Variants in TACC2 observed in about 807,000 individuals in gnomAD.
TACC2 encodes the protein transforming acidic coiled-coil containing protein 2, also known as transforming acidic coiled-coil-containing protein 2.
Under a neutral mutation model 227.3 loss-of-function variants are expected in TACC2, and 137 were observed. The observed-to-expected ratio is 0.60, with a 90% CI of 0.52 to 0.69. The LOEUF (loss-of-function observed/expected upper bound fraction) is 0.69. Ranked by LOEUF, TACC2 falls within the 30% of genes least tolerant of loss-of-function variation. The probability of loss-of-function intolerance (pLI) is 0.00; values close to 1 mark genes in which losing one functional copy is unlikely to be tolerated. For synonymous variants in TACC2, 1,523 were observed against 1,487.5 expected (o/e 1.02, Z -0.55); for missense variants, 3,470 against 3,694.4 (o/e 0.94, Z 1.57).
rs1418838752 is a variant in TACC2, at chr10:122,180,014, G to A, written c.5835-15026G>A. ...TTCAGAGGATCGCTTGAGCCCAAGA[G>A]GTCGAGGCTGCAGTGAGCCATGATT... is the stretch of plus-strand genomic sequence containing the variant. On this transcript the variant is annotated intron_variant, in intron 7 of 22. Coordinates refer to ENST00000369005, the MANE Select transcript of TACC2 (RefSeq NM_206862.4). The surrounding 1 kb of genome is among the most constrained non-coding windows in gnomAD (Gnocchi z 4.5). Among the ~76,000 whole-genome samples the A allele has an allele frequency of 1.3e-5, 2 of 152,088 alleles. No individual in the cohort carries two copies. Among genetic ancestry groups the A allele is most frequent in the African/African-American group, 4.8e-5 (2 of 41,434 alleles).
At chr10:122,129,645 C>G (rs990908171) in intron 5 of TACC2, among the ~76,000 whole-genome samples, 1 of 152,166 alleles carries the variant, frequency 6.6e-6, no homozygotes, top group Non-Finnish European at 1.5e-5. Flanking sequence ...TTGGAAAGTG[C>G]CCCTGTAGTT....
chr10:122,068,247 A>G (rs1000101396), intron 3 of TACC2, among the ~76,000 whole-genome samples: 3 of 152,146 alleles, frequency 2.0e-5, no homozygotes, highest in Non-Finnish European at 2.9e-5. Flanking sequence ...CATATGGAAT[A>G]CAGTTATAAT....
intron 8 of TACC2, among the ~76,000 whole-genome samples, chr10:122,204,196 AG>A (rs1388598628): frequency 3.7e-5 from 1 of 27,152 alleles, no homozygotes; most frequent in Non-Finnish European, 8.6e-5. Context: ...GGGGAGGGGG[AG>A]GGGGAGGGGT....
rs542065957 is a variant in TACC2, at chr10:122,083,337, A to G, written c.837A>G (p.Gln279=). 16 of 1,614,036 alleles carry G rather than the reference A, an allele frequency of 9.9e-6. No individual in the cohort carries two copies. The Admixed American group carries it at 2.2e-4, about 22-fold the overall frequency. The change falls in exon 4 of 23, where the codon CAA becomes CAG. Residue 279 remains glutamine (Q), a synonymous_variant. Transcript: ENST00000369005. ...SPLKPMAPIP[Q]DPAPRASDRE... ...TAAAACCCATGGCCCCGATCCCACA[A>G]GATCCAGCCCCAAGAGCCTCAGACA...
intron 5 of TACC2, among the ~76,000 whole-genome samples, chr10:122,120,587 C>T (rs2085552654): frequency 6.6e-6 from 1 of 152,140 alleles, no homozygotes; most frequent in African/African-American, 2.4e-5. Context: ...GGGTCCTTCG[C>T]TGAGAGAGTC....
chr10:122,049,602 C>T (rs1029981510), intron 2 of TACC2, among the ~76,000 whole-genome samples: 2 of 152,052 alleles, frequency 1.3e-5, no homozygotes, highest in Non-Finnish European at 2.9e-5. Context: ...GGCACAGGGT[C>T]GCCGCTGGGG....
intron 3 of TACC2, chr10:122,051,733 A>G (rs970793221): frequency 1.4e-5 from 2 of 147,580 alleles, no homozygotes; most frequent in Non-Finnish European, 3.0e-5. Flanking sequence ...ATGCTACTTC[A>G]TAGCTTTGCA....
At position 122,050,850 on chromosome 10, in the gene TACC2, G is replaced by T; in HGVS notation, c.146+300G>T. The T allele has an allele frequency of 3.0e-6, 1 of 338,514 alleles. No homozygotes were observed. Among genetic ancestry groups the T allele is most frequent in the Non-Finnish European group, 5.4e-6 (1 of 184,156 alleles). The allele number at this position is 338,514 out of a possible 1,614,324, so 21.0% of individuals were successfully genotyped here. ...CAGAACTTAAAATGGAAAACATCAA[G>T]GGTTCCCAGGGGTTTATCAGTGTCT... On this transcript the variant is annotated intron_variant, in intron 3 of 22. Transcript: ENST00000369005. The surrounding 1 kb of genome is among the most constrained non-coding windows in gnomAD (Gnocchi z 4.6).
At chr10:122,112,587 C>T (rs2083798544) in intron 5 of TACC2, among the ~76,000 whole-genome samples, 1 of 152,244 alleles carries the variant, frequency 6.6e-6, no homozygotes, top group South Asian at 2.1e-4. Flanking sequence ...CTTTCTGAGG[C>T]TCCTGGGTAG....
chr10:122,020,678 C>T (rs1239636494), intron 1 of TACC2, among the ~76,000 whole-genome samples: 1 of 152,140 alleles, frequency 6.6e-6, no homozygotes, highest in African/African-American at 2.4e-5. Flanking sequence ...TTGGCCTCCC[C>T]AAACTGAGTC....
chr10:122,237,639 T>C, intron 17 of TACC2, 101 bp downstream of exon 17: 1 of 1,419,832 alleles, frequency 7.0e-7, no homozygotes, highest in Non-Finnish European at 9.5e-7. Context: ...CTTTGTCCTC[T>C]GAACGCTGCA....
In TACC2 at chr10:122,099,488, T is replaced by A. The variant is rs116880274; in HGVS notation, c.5573+10897T>A. Among the ~76,000 whole-genome samples, 94 of 152,308 alleles carry A rather than the reference T, an allele frequency of 6.2e-4. 1 individual carries two copies. In the East Asian group the frequency reaches 0.017, roughly 27 times the overall value. On this transcript the variant is annotated intron_variant, in intron 5 of 22. Coordinates refer to ENST00000369005, the MANE Select transcript of TACC2 (RefSeq NM_206862.4). ...CATTCATAGTCTCCTTCTGACACACTCAGCTGGAAGGAGATAAAACTCCAG... is the reference window on the plus strand; with the variant it reads ...CATTCATAGTCTCCTTCTGACACACACAGCTGGAAGGAGATAAAACTCCAG...
intron 18 of TACC2, among the ~76,000 whole-genome samples, chr10:122,239,723 AG>A (rs1399922139): frequency 2.0e-5 from 3 of 152,062 alleles, no homozygotes; most frequent in Non-Finnish European, 2.9e-5. Flanking sequence ...CGTACCACTG[AG>A]GGGCCCCCAG....
chr10:122,203,964 C>G (rs1423390194), intron 8 of TACC2, among the ~76,000 whole-genome samples: 4 of 151,686 alleles, frequency 2.6e-5, no homozygotes, highest in African/African-American at 9.7e-5. Flanking sequence ...GAGACCAGCC[C>G]GGCCAACACA....
rs538617053 is a variant in TACC2 at position 122,248,989 on chromosome 10, C to G, written c.8554-61C>G. On this transcript the variant is annotated intron_variant, in intron 20 of 22. Transcript: ENST00000369005. ...TGCATCCGAGAGTTCCTGGGGTTCC[C>G]ACCAGTGCTGGGCATTTGTTCTCGT... The G allele has an allele frequency of 1.2e-5, 19 of 1,541,570 alleles. No individual in the cohort carries two copies. In the African/African-American group the frequency reaches 2.6e-4, roughly 21 times the overall value.
rs755855849 is a variant in TACC2, at chr10:122,083,863, G to A, written c.1363G>A (p.Asp455Asn). 1 of 1,614,184 alleles carries A rather than the reference G, an allele frequency of 6.2e-7. No homozygotes were observed. The highest frequency in any genetic ancestry group is 1.1e-5 in the South Asian group (1 of 91,086). ...VSKAGMPVSA[D>N]AAKEVVDAGL... is the part of the protein sequence containing the mutation. ...CAAGGCTGGGATGCCAGTTTCTGCA[G>A]ATGCAGCCAAAGAGGTGGTGGATGC... is the stretch of plus-strand genomic sequence containing the variant. Residue 455 changes from aspartate (D) to asparagine (N), a missense_variant, in exon 4 of 23, where the codon GAT becomes AAT. Coordinates refer to ENST00000369005, the MANE Select transcript of TACC2 (RefSeq NM_206862.4).
intron 14 of TACC2, 131 bp from the exon 15 acceptor site, chr10:122,229,215 C>G (rs1589766893): frequency 2.0e-6 from 2 of 982,290 alleles, no homozygotes. Context: ...GTAATGGCAG[C>G]TAATTGATAC....
At chr10:122,218,754 C>G (rs2095463091) in intron 11 of TACC2, among the ~76,000 whole-genome samples, 2 of 152,040 alleles carry the variant, frequency 1.3e-5, no homozygotes, top group Admixed American at 1.3e-4. Flanking sequence ...TGGCACACAC[C>G]TGTAATCCCA....
chr10:122,250,349 T>A (rs1031440039), intron 22 of TACC2, among the ~76,000 whole-genome samples: 9 of 152,212 alleles, frequency 5.9e-5, no homozygotes, highest in African/African-American at 1.9e-4. Flanking sequence ...CTCCTTCCAG[T>A]CAATTTCCTG....
Sources: gnomAD v4.1 joint callset for allele counts (sites outside exome capture counted in the v4.1 genomes callset) on GRCh38, gnomAD v4.1.1 for gene constraint, Gnocchi (gnomAD v3.1) non-coding constraint, MANE v1.5 for transcripts, NCBI Gene and HGNC (gene_info 2026-07-23, HGNC 2026-07-21) for gene names.